SEL1L: variants seen among roughly 807,000 people sequenced by gnomAD.
The protein encoded by SEL1L is protein sel-1 homolog 1.
A neutral mutation model predicts 109.8 loss-of-function variants in SEL1L; 52 were observed. The observed-to-expected ratio is 0.47, with a 90% CI of 0.38 to 0.60. The LOEUF is 0.60. Among genes scored for constraint, SEL1L ranks in the 20% least tolerant of loss-of-function variants. The pLI is 0.00. For synonymous variants in SEL1L, 373 were observed against 339.6 expected (o/e 1.10, Z -1.08); for missense variants, 749 against 962.2 (o/e 0.78, Z 2.93).
chr14:81,518,934 CTCTT>C (rs1327361487), intron 3 of SEL1L, among the ~76,000 whole-genome samples: 1 of 152,150 alleles, frequency 6.6e-6, no homozygotes, highest in African/African-American at 2.4e-5. Flanking sequence ...ATAAACTTCT[CTCTT>C]TGAGAAGGCT....
chr14:81,478,860 A>G (rs990709982), intron 20 of SEL1L, among the ~76,000 whole-genome samples: 1 of 152,232 alleles, frequency 6.6e-6, no homozygotes, highest in Non-Finnish European at 1.5e-5. Flanking sequence ...GACATTAACA[A>G]AAGGGTGAAA....
At chr14:81,503,029 G>C (rs1296363913) in intron 5 of SEL1L, 146 bp from the exon 6 acceptor site, 4 of 671,894 alleles carry the variant, frequency 6.0e-6, no homozygotes, top group Admixed American at 3.1e-5. Context: ...TTTCACTCTT[G>C]TTGTCCCGGC....
chr14:81,477,729 C>T (rs1464279055), intron 20 of SEL1L, among the ~76,000 whole-genome samples: 1 of 152,158 alleles, frequency 6.6e-6, no homozygotes, highest in Non-Finnish European at 1.5e-5. Context: ...ACAAGAATTG[C>T]CTGAACCCAG....
intron 10 of SEL1L, 105 bp from the exon 11 acceptor site, chr14:81,495,242 G>A (rs1566974375): frequency 2.0e-6 from 2 of 986,096 alleles, no homozygotes; most frequent in African/African-American, 1.6e-5. Flanking sequence ...TTCTGTTCAT[G>A]ACTCAAAAAA....
intron 15 of SEL1L, 74 bp downstream of exon 15, chr14:81,487,781 T>C (rs1903565640): frequency 6.3e-7 from 1 of 1,592,530 alleles, no homozygotes; most frequent in South Asian, 1.2e-5. Flanking sequence ...CATTTCCACA[T>C]CATAATGCCA....
chr14:81,497,936 G>C lies in SEL1L; in HGVS notation c.1084C>G (p.Gln362Glu). The change falls in exon 10 of 21, where the codon CAA becomes GAA. Residue 362 changes from glutamine to glutamate, a missense_variant. Transcript: ENST00000336735. The part of the protein sequence containing the change: ...NSGMLEEDLI[Q>E]YYQFLAEKGD... The stretch of plus-strand genomic sequence containing the variant: ...TTTTCAGCTAGGAACTGGTAATATT[G>C]AATCAAATCTTCTTCTAGCATTCCA... The C allele has an allele frequency of 6.2e-7, 1 of 1,613,980 alleles. No individual in the cohort carries two copies. The highest frequency in any genetic ancestry group is 1.1e-5 in the South Asian group (1 of 91,060).
At chr14:81,489,228 G>A (rs1051614727) in intron 14 of SEL1L, 24 bp downstream of exon 14, 4 of 1,603,564 alleles carry the variant, frequency 2.5e-6, no homozygotes, top group East Asian at 2.2e-5. Context: ...TCATTAAAGA[G>A]AGAATGTCAG....
rs916435151 is a variant in SEL1L at position 81,475,686 on chromosome 14, G to T, written c.*1286C>A. The T allele has an allele frequency of 6.6e-6, 1 of 152,166 alleles. No individual in the cohort carries two copies. Among genetic ancestry groups the T allele is most frequent in the Non-Finnish European group, 1.5e-5 (1 of 68,032 alleles). The allele number at this position is 152,166 out of a possible 1,614,324, so 9.4% of individuals were successfully genotyped here. On this transcript the variant is annotated 3_prime_UTR_variant, in exon 21 of 21. Transcript: ENST00000336735. ...TTTAAGCTTTAATTATTTCACGTGT[G>T]TAATTATGTGAAACTCTTCAGTTTT...
intron 3 of SEL1L, among the ~76,000 whole-genome samples, chr14:81,512,320 C>A (rs1419625787): frequency 6.6e-6 from 1 of 152,218 alleles, no homozygotes; most frequent in Non-Finnish European, 1.5e-5. Context: ...GTGACTAATA[C>A]AGGATCATAC....
chr14:81,523,214 A>G (rs553681777), intron 3 of SEL1L, among the ~76,000 whole-genome samples: 1 of 152,366 alleles, frequency 6.6e-6, no homozygotes, highest in East Asian at 1.9e-4. Flanking sequence ...TTAGAGGGTT[A>G]GAATTTACAG....
intron 3 of SEL1L, among the ~76,000 whole-genome samples, chr14:81,511,459 C>T (rs559825848): frequency 3.3e-4 from 50 of 152,328 alleles, no homozygotes; most frequent in African/African-American, 1.2e-3. Context: ...CTCTAAACAA[C>T]GGCTTTAAAG....
chr14:81,520,871 G>A (rs935930270), intron 3 of SEL1L, among the ~76,000 whole-genome samples: 8 of 151,974 alleles, frequency 5.3e-5, no homozygotes, highest in African/African-American at 1.9e-4. Context: ...GTCTCATGTC[G>A]GAAACAGCTT....
At chr14:81,521,445 A>T (rs1166134946) in intron 3 of SEL1L, among the ~76,000 whole-genome samples, 2 of 152,238 alleles carry the variant, frequency 1.3e-5, no homozygotes, top group African/African-American at 4.8e-5. Flanking sequence ...TGAGCAATCA[A>T]CAAAAAAGAA....
Position 81,533,706 on chromosome 14 carries a change from C to A in SEL1L, c.39G>T (p.Ala13=), listed in dbSNP as rs751000874. 1.9e-6 allele frequency: 3 copies of A among 1,613,548 alleles called. No homozygotes were observed. The highest frequency in any genetic ancestry group is 2.5e-6 in the Non-Finnish European group (3 of 1,179,868). The change falls in exon 1 of 21, where the codon GCG becomes GCT. Residue 13 remains alanine (A), a synonymous_variant. Coordinates refer to ENST00000336735, the MANE Select transcript of SEL1L (RefSeq NM_005065.6). ...VRIGLTLLLC[A]VLLSLASASS... ...ACGCCGAGGCCAAGCTCAGCAGCAC[C>A]GCACACAGCAGCAGCGTCAGCCCTA...
chr14:81,508,846 T>A (rs116909951), intron 3 of SEL1L, among the ~76,000 whole-genome samples: 1,850 of 152,356 alleles, frequency 0.012, 18 homozygotes, highest in Non-Finnish European at 0.019. Flanking sequence ...TTGCCAAAAC[T>A]TGTATTTTCT....
chr14:81,488,023 A>G, intron 14 of SEL1L, 81 bp from the exon 15 acceptor site: 1 of 1,065,686 alleles, frequency 9.4e-7, no homozygotes, highest in Non-Finnish European at 1.4e-6. Flanking sequence ...TAAAAAAATG[A>G]ACAAAGCATA....
rs1160626657 is a variant in SEL1L at position 81,507,656 on chromosome 14, A to G, written c.341-1415T>C. On this transcript the variant is annotated intron_variant, in intron 3 of 20. Transcript: ENST00000336735. ...AAAATGTCTTAAACATGTTTCAGTT[A>G]CAGCTAAAAAAAAAAAAAAAAATTC... 3.1e-5 allele frequency among the ~76,000 whole-genome samples: 3 copies of G among 96,648 alleles called. No homozygotes were observed. In the East Asian group the frequency reaches 1.0e-3, roughly 33 times the overall value. The allele number at this position is 96,648 out of a possible 152,430, so 63.4% of individuals were successfully genotyped here.
chr14:81,481,023 C>T (rs924269144), intron 19 of SEL1L, among the ~76,000 whole-genome samples: 1 of 152,102 alleles, frequency 6.6e-6, no homozygotes, highest in Admixed American at 6.5e-5. Context: ...GGGGCTACCA[C>T]CGGAAGAGAT....
At chr14:81,492,103 A>G (rs994869722) in intron 12 of SEL1L, among the ~76,000 whole-genome samples, 1 of 151,612 alleles carries the variant, frequency 6.6e-6, no homozygotes, top group African/African-American at 2.4e-5. Context: ...ACTTACTGTA[A>G]GCCTCAGCCT....
Sources: allele counts gnomAD v4.1 joint callset (sites outside exome capture counted in the v4.1 genomes callset), GRCh38; gene constraint gnomAD v4.1.1; transcripts MANE v1.5; gene names NCBI Gene and HGNC (gene_info 2026-07-23, HGNC 2026-07-21).